CNTN5: variants seen among roughly 807,000 people sequenced by gnomAD.
The protein encoded by CNTN5 is contactin 5.
A neutral mutation model predicts 129.1 loss-of-function variants in CNTN5; 77 were observed. The ratio of observed to expected loss-of-function variants is 0.60; its 90% confidence interval spans 0.50 to 0.72. The LOEUF is 0.72. Among genes scored for constraint, CNTN5 ranks in the 30% least tolerant of loss-of-function variants. CNTN5 has a pLI of 0.00. For missense variants in CNTN5, 1,478 were observed against 1,328.8 expected (o/e 1.11, Z -1.75); for synonymous variants, 509 against 465.6 (o/e 1.09, Z -1.20).
At chr11:99,772,969 G>T (rs1944996085) in intron 3 of CNTN5, among the ~76,000 whole-genome samples, 1 of 151,934 alleles carries the variant, frequency 6.6e-6, no homozygotes, top group Non-Finnish European at 1.5e-5. Context: ...TAAATAAGCA[G>T]CCACATAGAG....
intron 9 of CNTN5, among the ~76,000 whole-genome samples, chr11:100,005,642 A>C (rs1940144440): frequency 1.3e-5 from 2 of 152,196 alleles, no homozygotes; most frequent in African/African-American, 4.8e-5. Context: ...ACTGTTTAAC[A>C]TGACAACCCC....
At chr11:99,654,069 T>A (rs1952257592) in intron 3 of CNTN5, among the ~76,000 whole-genome samples, 12 of 152,006 alleles carry the variant, frequency 7.9e-5, no homozygotes. Flanking sequence ...TGATGATAAA[T>A]ATTTTATTAG....
At position 100,308,415 on chromosome 11, in the gene CNTN5, C is replaced by G; in HGVS notation, c.2677C>G (p.Leu893Val). The G allele has an allele frequency of 6.2e-7, 1 of 1,611,052 alleles. No individual in the cohort carries two copies. Among genetic ancestry groups the G allele is most frequent in the Non-Finnish European group, 8.5e-7 (1 of 1,177,956 alleles). ...KATSVSVSEI[L>V]VAWKHIKESL... ...GACAAGTGTGTCTGTGTCAGAGATT[C>G]TTGTTGCATGGAAACACATTAAAGA... The change falls in exon 21 of 25, where the codon CTT becomes GTT. Residue 893 changes from leucine (L) to valine (V), a missense_variant. Physicochemically the swap from Leu to Val is conservative, Grantham distance 32. Coordinates refer to ENST00000524871, the MANE Select transcript of CNTN5 (RefSeq NM_014361.4).
intron 6 of CNTN5, among the ~76,000 whole-genome samples, chr11:99,880,920 C>G (rs1350729517): frequency 6.6e-6 from 1 of 152,030 alleles, no homozygotes; most frequent in African/African-American, 2.4e-5. Context: ...AAAATTGTCT[C>G]TCTTTGAAAT....
chr11:100,149,800 C>CAG lies in CNTN5; in HGVS notation c.1581-41324_1581-41323dup, dbSNP rs755675548. 2.0e-5 allele frequency among the ~76,000 whole-genome samples: 3 copies of CAG among 148,890 alleles called. No individual in the cohort carries two copies. In the East Asian group the frequency reaches 6.0e-4, roughly 30 times the overall value. On this transcript the variant is annotated intron_variant, in intron 13 of 24. Transcript: ENST00000524871. ...GTCCCAGCTACTTGGGAGGCTGAGG[C>CAG]AGAAGAATGGCGTGAACCATGAGGT...
intron 13 of CNTN5, among the ~76,000 whole-genome samples, chr11:100,107,364 A>G (rs1056270186): frequency 9.9e-5 from 15 of 152,098 alleles, no homozygotes; most frequent in African/African-American, 3.4e-4. Context: ...CAATAGACTT[A>G]ATGAAAAAAT....
intron 7 of CNTN5, among the ~76,000 whole-genome samples, chr11:99,937,907 C>T (rs1338602959): frequency 3.3e-5 from 5 of 152,158 alleles, no homozygotes; most frequent in Non-Finnish European, 7.3e-5. Flanking sequence ...GCCTGTTGTG[C>T]ATAGAAGATA....
In CNTN5 at chr11:100,299,313, C is replaced by G. The variant is rs199714677; in HGVS notation, c.2537C>G (p.Pro846Arg). 1.9e-5 allele frequency: 31 copies of G among 1,610,380 alleles called. No homozygotes were observed. Among genetic ancestry groups the G allele is most frequent in the Non-Finnish European group, 2.5e-6 (3 of 1,177,676 alleles). Residue 846 changes from proline to arginine, a missense_variant, in exon 20 of 25, where the codon CCC becomes CGC. By Grantham distance (103) the Pro-to-Arg change is moderately radical. Transcript: ENST00000524871. ...YRDESVPPLT[P>R]FEVKVGVYNN... ...GATGAAAGTGTCCCTCCTCTTACTC[C>G]CTTTGAAGTGAAAGTTGGCGTTTAT...
chr11:99,133,615 C>CAAAAAAAAAAAAAAAAAAAAAAAA lies in CNTN5; in HGVS notation c.-210+112347_-210+112348insAAAAAAAAAAAAAAAAAAAAAAAA. On this transcript the variant is annotated intron_variant, in intron 1 of 24. Transcript: ENST00000524871. The stretch of plus-strand genomic sequence containing the variant: ...GCAAAGGATAGGAACAGACACTTCT[C>CAAAAAAAAAAAAAAAAAAAAAAAA]AAGAAAAAAAAAAGACCATACATGC... Among the ~76,000 whole-genome samples the CAAAAAAAAAAAAAAAAAAAAAAAA allele has an allele frequency of 2.8e-5, 3 of 105,996 alleles. 1 individual carries two copies. Among genetic ancestry groups the CAAAAAAAAAAAAAAAAAAAAAAAA allele is most frequent in the Admixed American group, 2.0e-4 (2 of 10,228 alleles). 69.5% of individuals were successfully genotyped at this position (105,996 alleles called of 152,430 possible). A position where few individuals can be genotyped will look rare whatever the true frequency, so the allele number is the denominator to read the frequency against.
intron 1 of CNTN5, among the ~76,000 whole-genome samples, chr11:99,057,947 G>T (rs1402747954): frequency 6.6e-6 from 1 of 151,896 alleles, no homozygotes; most frequent in East Asian, 1.9e-4. Flanking sequence ...AAAAATCCAT[G>T]TGGATATAAG....
Position 99,998,080 on chromosome 11 carries a change from A to G in CNTN5, c.878-3954A>G, listed in dbSNP as rs12277263. ...ATGGGCAAAAACTGGAAGCATTCCC[A>G]TTGAAAACGGGCACAAGACAGGGAT... On this transcript the variant is annotated intron_variant, in intron 8 of 24. Transcript: ENST00000524871. Among the ~76,000 whole-genome samples the G allele has an allele frequency of 8.6e-5, 13 of 151,658 alleles. 1 individual carries two copies. The highest frequency in any genetic ancestry group is 3.2e-4 in the African/African-American group (13 of 41,100).
intron 23 of CNTN5, among the ~76,000 whole-genome samples, chr11:100,344,179 A>G (rs1175445332): frequency 2.0e-5 from 3 of 152,110 alleles, no homozygotes; most frequent in Non-Finnish European, 2.9e-5. Flanking sequence ...TGAGGCTGAG[A>G]ACTTGGGATT....
At chr11:99,679,326 G>T (rs1236881846) in intron 3 of CNTN5, among the ~76,000 whole-genome samples, 5 of 151,754 alleles carry the variant, frequency 3.3e-5, no homozygotes, top group Middle Eastern at 3.2e-3. Flanking sequence ...GAGATACCTT[G>T]TGCTTTACAA....
intron 3 of CNTN5, among the ~76,000 whole-genome samples, chr11:99,595,368 T>C (rs1950094780): frequency 6.6e-6 from 1 of 151,946 alleles, no homozygotes; most frequent in South Asian, 2.1e-4. Flanking sequence ...AAAAATAAAA[T>C]AAGGGAAATA....
intron 22 of CNTN5, 66 bp from the exon 23 acceptor site, chr11:100,341,027 A>AGG (rs1952147086): frequency 2.3e-5 from 28 of 1,192,884 alleles, no homozygotes; most frequent in Non-Finnish European, 3.4e-5. Context: ...AGATACTCAC[A>AGG]AAGAATTAAA....
intron 1 of CNTN5, among the ~76,000 whole-genome samples, chr11:99,175,206 C>T (rs1455437945): frequency 6.6e-6 from 1 of 152,072 alleles, no homozygotes; most frequent in Non-Finnish European, 1.5e-5. Flanking sequence ...TGCACTCCAG[C>T]CTGGGCAACA....
In CNTN5 at chr11:99,036,263, G is replaced by A. The variant is rs73550171; in HGVS notation, c.-210+14993G>A. Among the ~76,000 whole-genome samples the A allele has an allele frequency of 9.8e-3, 1,489 of 151,892 alleles. 23 individuals carry two copies. Among genetic ancestry groups the A allele is most frequent in the African/African-American group, 0.034 (1,403 of 41,410 alleles). The stretch of plus-strand genomic sequence containing the variant: ...CATTTATAATTCTTATAACTTGTCC[G>A]GTTTAGACATTATATATGGTCCAAT... On this transcript the variant is annotated intron_variant, in intron 1 of 24. Transcript: ENST00000524871.
intron 21 of CNTN5, among the ~76,000 whole-genome samples, chr11:100,336,512 T>C (rs985662769): frequency 3.3e-5 from 5 of 152,058 alleles, no homozygotes; most frequent in Non-Finnish European, 5.9e-5. Flanking sequence ...ACAAAGAAAA[T>C]AATTGTATGA....
chr11:99,827,660 AT>A (rs1947007959), intron 4 of CNTN5, among the ~76,000 whole-genome samples: 3 of 152,206 alleles, frequency 2.0e-5, no homozygotes, highest in Non-Finnish European at 2.9e-5. Flanking sequence ...TATATCTGTA[AT>A]AACTTACACA....
Sources: allele counts gnomAD v4.1 joint callset (sites outside exome capture counted in the v4.1 genomes callset), GRCh38; gene constraint gnomAD v4.1.1; transcripts MANE v1.5; gene names NCBI Gene and HGNC (gene_info 2026-07-23, HGNC 2026-07-21).